The following NUP214 variants were observed in gnomAD, a reference collection of about 807,000 sequenced individuals.
The protein encoded by NUP214 is nuclear pore complex protein Nup214.
In NUP214, 79 loss-of-function variants were observed where a neutral mutation model predicts 196.2. The ratio of observed to expected loss-of-function variants is 0.40; its 90% CI spans 0.34 to 0.49. The LOEUF is 0.49. Among genes scored for constraint, NUP214 ranks in the 20% least tolerant of loss-of-function variants. The probability of loss-of-function intolerance (pLI) is 0.58; values close to 1 mark genes in which losing one functional copy is unlikely to be tolerated. For missense variants in NUP214, 2,468 were observed against 2,539.0 expected (o/e 0.97, Z 0.60); for synonymous variants, 1,020 against 990.5 (o/e 1.03, Z -0.56).
chr9:131,127,117 C>T (rs1232545262), intron 1 of NUP214: 2 of 155,516 alleles, frequency 1.3e-5, no homozygotes, highest in Non-Finnish European at 1.4e-5. Context: ...AGTGTGGTGG[C>T]TCATGCCTGT....
At position 131,202,307 on chromosome 9, in the gene NUP214, G is replaced by A. The variant is rs192917968; in HGVS notation, c.5592+590G>A. On this transcript the variant is annotated intron_variant, in intron 30 of 35. Coordinates refer to ENST00000359428, the MANE Select transcript of NUP214 (RefSeq NM_005085.4). ...GGCTAAATACACTGTTTGGCTTTTG[G>A]GGGGTTTGTTGTTGTTTAACTTCTT... Among the ~76,000 whole-genome samples, 673 of 152,162 alleles carry A rather than the reference G, an allele frequency of 4.4e-3. 4 individuals are homozygous for A. The highest frequency in any genetic ancestry group is 7.9e-3 in the Non-Finnish European group (535 of 68,012).
chr9:131,156,936 G>A (rs1175765795), intron 17 of NUP214, among the ~76,000 whole-genome samples: 1 of 152,004 alleles, frequency 6.6e-6, no homozygotes, highest in African/African-American at 2.4e-5. Flanking sequence ...ATCTCCATTT[G>A]TAGACATACT....
At position 131,175,506 on chromosome 9, in the gene NUP214, A is replaced by G; in HGVS notation, c.3204A>G (p.Thr1068=). 1 of 1,614,214 alleles carries G rather than the reference A, an allele frequency of 6.2e-7. No individual in the cohort carries two copies. The highest frequency in any genetic ancestry group is 8.5e-7 in the Non-Finnish European group (1 of 1,180,026). Reference sequence around the variant, plus strand: ...TTATTCCTCAAGGGGCCGATAGCACAATGCTTGCCACGAAAACCGTGAAAC... The same window carrying G: ...TTATTCCTCAAGGGGCCGATAGCACGATGCTTGCCACGAAAACCGTGAAAC... ...SKIIPQGADS[T]MLATKTVKHG... is the part of the protein sequence containing the mutation. The change falls in exon 23 of 36, where the codon ACA becomes ACG. Residue 1068 remains threonine (T), a synonymous_variant. Coordinates refer to ENST00000359428, the MANE Select transcript of NUP214 (RefSeq NM_005085.4).
intron 25 of NUP214, among the ~76,000 whole-genome samples, 183 bp from the exon 26 acceptor site, chr9:131,188,870 T>C (rs1833524706): frequency 6.6e-6 from 1 of 152,258 alleles, no homozygotes; most frequent in South Asian, 2.1e-4. Flanking sequence ...AATATGATCT[T>C]ACATATGGTT....
chr9:131,147,089 C>T (rs577848273), intron 13 of NUP214, among the ~76,000 whole-genome samples: 5 of 152,082 alleles, frequency 3.3e-5, no homozygotes, highest in Admixed American at 6.6e-5. Flanking sequence ...TGGGCTCAAG[C>T]GATCTTCCCA....
Position 131,187,314 on chromosome 9 carries a change from A to G in NUP214, c.3445A>G (p.Lys1149Glu), listed in dbSNP as rs1281435288. The change falls in exon 25 of 36, where the codon AAA (lysine) becomes GAA (glutamate). Residue 1149 changes from lysine (K) to glutamate (E), a missense_variant. Lys to Glu is a moderately conservative substitution (Grantham distance 56). Around this residue, in one of 5 missense-constraint regions of NUP214, gnomAD observed 1,801 missense variants for 1,779.4 expected, o/e 1.01. Transcript: ENST00000359428. Reference protein sequence around the residue: ...MGSSVPYSTAKTPHPVLTPVA... With the variant: ...MGSSVPYSTAETPHPVLTPVA... Reference sequence around the variant, plus strand: ...TTCTTCAGTGCCCTACTCCACAGCCAAAACACCTCACCCAGTGTTGACCCC... The same window carrying G: ...TTCTTCAGTGCCCTACTCCACAGCCGAAACACCTCACCCAGTGTTGACCCC... 2 of 1,613,668 alleles carry G rather than the reference A, an allele frequency of 1.2e-6. No individual in the cohort carries two copies. Among genetic ancestry groups the G allele is most frequent in the Non-Finnish European group, 8.5e-7 (1 of 1,179,918 alleles).
At position 131,198,320 on chromosome 9, in the gene NUP214, T is replaced by TTC. The variant is rs768197434; in HGVS notation, c.4826_4827insTC (p.Glu1610ProfsTer8). ...ATCTCAAGTGCAGGCCCTGTGGCCG[T>TTC]CGAAACATCAAGTACCCCCATAGCC... is the stretch of plus-strand genomic sequence containing the variant. On this transcript the variant is annotated frameshift_variant, in exon 29 of 36. Transcript: ENST00000359428. LOFTEE classifies it high-confidence loss of function. The TTC allele has an allele frequency of 6.2e-7, 1 of 1,614,222 alleles. No individual in the cohort carries two copies.
intron 34 of NUP214, among the ~76,000 whole-genome samples, chr9:131,231,466 C>T (rs963877144): frequency 6.6e-6 from 1 of 152,058 alleles, no homozygotes; most frequent in Non-Finnish European, 1.5e-5. Flanking sequence ...GCTGGGATTA[C>T]AGCACCTGGC....
chr9:131,180,981 A>G (rs1564197684), intron 24 of NUP214, among the ~76,000 whole-genome samples: 1 of 152,230 alleles, frequency 6.6e-6, no homozygotes, highest in African/African-American at 2.4e-5. Flanking sequence ...GAGACAAACA[A>G]TAATCAAAAT....
intron 32 of NUP214, among the ~76,000 whole-genome samples, chr9:131,225,548 C>A (rs928278982): frequency 1.2e-4 from 18 of 152,192 alleles, no homozygotes; most frequent in Admixed American, 3.9e-4. Context: ...GAATAGAGAA[C>A]AACTATCTTT....
At chr9:131,135,442 A>C (rs1014616447) in intron 8 of NUP214, among the ~76,000 whole-genome samples, 7 of 152,178 alleles carry the variant, frequency 4.6e-5, no homozygotes, top group African/African-American at 1.7e-4. Flanking sequence ...ATTCTTGATA[A>C]TGTCTTTCTA....
chr9:131,220,031 GTTT>G (rs1834515952), intron 31 of NUP214, among the ~76,000 whole-genome samples: 1 of 152,118 alleles, frequency 6.6e-6, no homozygotes, highest in Admixed American at 6.6e-5. Context: ...TGATGCTAGT[GTTT>G]TTGCCAAATA....
chr9:131,210,415 G>A (rs1181491412), intron 30 of NUP214, among the ~76,000 whole-genome samples: 3 of 152,170 alleles, frequency 2.0e-5, no homozygotes, highest in Admixed American at 2.0e-4. Context: ...GGATCACGAG[G>A]TCAGGAGTTC....
intron 24 of NUP214, among the ~76,000 whole-genome samples, chr9:131,186,153 C>T (rs1312160761): frequency 2.6e-5 from 4 of 152,252 alleles, no homozygotes; most frequent in East Asian, 1.9e-4. Context: ...GCGGAGGTGA[C>T]GGGGGAACAC....
In NUP214 at chr9:131,198,392, C is replaced by T. The variant is rs976450424; in HGVS notation, c.4898C>T (p.Ala1633Val). The T allele has an allele frequency of 3.7e-6, 6 of 1,614,160 alleles. No individual in the cohort carries two copies. The highest frequency in any genetic ancestry group is 4.2e-6 in the Non-Finnish European group (5 of 1,180,052). Residue 1633 changes from alanine (A) to valine (V), a missense_variant, in exon 29 of 36, where the codon GCA (alanine) becomes GTA (valine). Physicochemically the swap from Ala to Val is moderately conservative, Grantham distance 64 (BLOSUM62 0). Coordinates refer to ENST00000359428, the MANE Select transcript of NUP214 (RefSeq NM_005085.4). ...IVAPGPSAEA[A>V]AFGTVTSGSS... is the part of the protein sequence containing the mutation. ...GCTCCCGGCCCATCTGCAGAGGCAG[C>T]AGCATTTGGTACCGTCACTTCTGGC...
intron 8 of NUP214, chr9:131,135,359 C>T (rs565135564): frequency 3.8e-5 from 8 of 209,484 alleles, no homozygotes; most frequent in African/African-American, 1.1e-4. Context: ...TGTGAGCTAC[C>T]GCACCCAGCC....
intron 31 of NUP214, among the ~76,000 whole-genome samples, chr9:131,219,712 C>T (rs1240443369): frequency 2.0e-5 from 3 of 152,182 alleles, no homozygotes; most frequent in African/African-American, 7.2e-5. Context: ...CCATTCCCAG[C>T]ACATTCTTTC....
At chr9:131,159,596 G>T (rs575693705) in intron 18 of NUP214, 110 bp downstream of exon 18, 7 of 887,420 alleles carry the variant, frequency 7.9e-6, no homozygotes, top group Non-Finnish European at 1.2e-5. Context: ...GGTGGCTCAC[G>T]CCTGTAATCC....
rs1832688173 is a variant in NUP214, at chr9:131,163,060, A to G, written c.2610A>G (p.Gln870=). 1.2e-6 allele frequency: 2 copies of G among 1,614,062 alleles called. No homozygotes were observed. Among genetic ancestry groups the G allele is most frequent in the African/African-American group, 1.3e-5 (1 of 74,922 alleles). ...TLANNREIIN[Q]QRKRLNHLVD... is the part of the protein sequence containing the mutation. Reference sequence around the variant, plus strand: ...CCAACAATCGGGAAATCATCAACCAACAGAGGAAGAGGCTGAATCACCTGG... The same window carrying G: ...CCAACAATCGGGAAATCATCAACCAGCAGAGGAAGAGGCTGAATCACCTGG... The change falls in exon 19 of 36, where the codon CAA becomes CAG. Residue 870 remains glutamine, a synonymous_variant. Transcript: ENST00000359428.
Sources: allele counts gnomAD v4.1 joint callset (sites outside exome capture counted in the v4.1 genomes callset), GRCh38; gene constraint gnomAD v4.1.1; regional missense constraint gnomAD v4.1.1; transcripts MANE v1.5; gene names NCBI Gene and HGNC (gene_info 2026-07-23, HGNC 2026-07-21).